The following KPNA6 variants were observed in gnomAD, a reference collection of about 807,000 sequenced individuals.
KPNA6 encodes importin subunit alpha-7.
A neutral mutation model predicts 72.0 loss-of-function variants in KPNA6; 9 were observed. That is an observed-to-expected ratio of 0.13 (90% confidence interval 0.08 to 0.22). The LOEUF (loss-of-function observed/expected upper bound fraction) is 0.22. KPNA6 is among the 10% of genes least tolerant of loss of function. KPNA6 has a pLI of 1.00. For missense variants in KPNA6, 374 were observed against 655.7 expected, an observed-to-expected ratio of 0.57 and a Z score of 4.69; for synonymous variants, 219 against 242.1, an observed-to-expected ratio of 0.90 and a Z score of 0.89.
intron 6 of KPNA6, 49 bp from the exon 7 acceptor site, chr1:32,160,566 A>G: frequency 1.4e-6 from 2 of 1,450,706 alleles, no homozygotes; most frequent in Non-Finnish European, 1.9e-6. Context: ...TAAAGTACTC[A>G]CAGGAGTACC....
chr1:32,131,690 A>G (rs544296806), intron 1 of KPNA6, among the ~76,000 whole-genome samples: 37 of 149,420 alleles, frequency 2.5e-4, no homozygotes, highest in Admixed American at 1.2e-3. Context: ...GTGCGTGTGT[A>G]TATATATATA....
chr1:32,168,985 C>G (rs1263765723), intron 12 of KPNA6, among the ~76,000 whole-genome samples: 1 of 151,998 alleles, frequency 6.6e-6, no homozygotes, highest in Non-Finnish European at 1.5e-5. Context: ...TGGTAGCATC[C>G]ACATGTGAAA....
At chr1:32,156,204 A>C (rs1257885461) in intron 2 of KPNA6, among the ~76,000 whole-genome samples, 1 of 151,748 alleles carries the variant, frequency 6.6e-6, no homozygotes, top group Non-Finnish European at 1.5e-5. Flanking sequence ...CAAGTCCTTG[A>C]ATATCTTTTC....
chr1:32,170,762 G>A lies in KPNA6; in HGVS notation c.1479G>A (p.Lys493=). The change falls in exon 14 of 14, where the codon AAG becomes AAA. Residue 493 remains lysine (K), a synonymous_variant. Transcript: ENST00000373625. ...QSHENQEIYQ[K]AFDLIEHYFG... ...ACGAGAACCAGGAGATCTACCAGAA[G>A]GCCTTCGACCTCATTGAGCACTACT... The A allele has an allele frequency of 6.2e-7, 1 of 1,614,218 alleles. No homozygotes were observed. The highest frequency in any genetic ancestry group is 8.5e-7 in the Non-Finnish European group (1 of 1,180,042).
At chr1:32,118,562 A>G (rs1641366935) in intron 1 of KPNA6, among the ~76,000 whole-genome samples, 1 of 151,972 alleles carries the variant, frequency 6.6e-6, no homozygotes, top group Admixed American at 6.6e-5. Flanking sequence ...TGGGAGGCTC[A>G]GGAAGGAGGA....
chr1:32,155,447 G>C (rs534237495), intron 2 of KPNA6, among the ~76,000 whole-genome samples: 2 of 148,944 alleles, frequency 1.3e-5, no homozygotes, highest in Admixed American at 1.3e-4. Context: ...TTAGCCTCCC[G>C]AGTAGCTAGG....
intron 1 of KPNA6, among the ~76,000 whole-genome samples, chr1:32,152,864 TA>T (rs942343359): frequency 7.8e-6 from 1 of 128,232 alleles, no homozygotes; most frequent in African/African-American, 3.0e-5. Context: ...AAAATAAAAA[TA>T]AAAAAAATTA....
rs748277883 is a variant in KPNA6, at chr1:32,174,539, C to T, written c.*3645C>T. The T allele has an allele frequency of 7.9e-5, 12 of 152,240 alleles. No homozygotes were observed. The highest frequency in any genetic ancestry group is 1.6e-4 in the Non-Finnish European group (11 of 68,078). The allele number at this position is 152,240 out of a possible 1,614,324, so 9.4% of individuals were successfully genotyped here. ...CACTACTAACCTCACCTCTCATACA[C>T]CTCTTTGAAGGCCCCAGCTCTTTTG... On this transcript the variant is annotated 3_prime_UTR_variant, in exon 14 of 14. Transcript: ENST00000373625.
At position 32,171,933 on chromosome 1, in the gene KPNA6, G is replaced by A. The variant is rs1021571821; in HGVS notation, c.*1039G>A. ...AGTTGCAGAGGAGGGTGGAGTGAGAGTGTCATGTATTGGGATAGTCAGGGA... is the reference window on the plus strand; with the variant it reads ...AGTTGCAGAGGAGGGTGGAGTGAGAATGTCATGTATTGGGATAGTCAGGGA... On this transcript the variant is annotated 3_prime_UTR_variant, in exon 14 of 14. Transcript: ENST00000373625. 2.6e-5 allele frequency: 4 copies of A among 152,146 alleles called. No homozygotes were observed. The highest frequency in any genetic ancestry group is 9.7e-5 in the African/African-American group (4 of 41,414). The allele number at this position is 152,146 out of a possible 1,614,324, so 9.4% of individuals were successfully genotyped here.
chr1:32,162,519 G>C lies in KPNA6; in HGVS notation c.906G>C (p.Leu302=), dbSNP rs1642257447. 1 of 1,613,830 alleles carries C rather than the reference G, an allele frequency of 6.2e-7. No homozygotes were observed. Among genetic ancestry groups the C allele is most frequent in the Non-Finnish European group, 8.5e-7 (1 of 1,180,024 alleles). Residue 302 remains leucine (L), a synonymous_variant, in exon 9 of 14, where the codon CTG becomes CTC. Coordinates refer to ENST00000373625, the MANE Select transcript of KPNA6 (RefSeq NM_012316.5). ...DSGVCRRLVE[L]LMHNDYKVAS... is the part of the protein sequence containing the mutation. Reference sequence around the variant, plus strand: ...GAGTCTGCCGGAGATTGGTAGAGCTGCTGATGTGAGTGGTCTTAGAAGGGG... The same window carrying C: ...GAGTCTGCCGGAGATTGGTAGAGCTCCTGATGTGAGTGGTCTTAGAAGGGG...
chr1:32,124,188 C>T (rs185226753), intron 1 of KPNA6, among the ~76,000 whole-genome samples: 62 of 151,930 alleles, frequency 4.1e-4, no homozygotes, highest in Admixed American at 1.2e-3. Context: ...GCCTGAGCAA[C>T]ATGATCAAAC....
At chr1:32,157,879 T>C (rs939766276) in intron 4 of KPNA6, among the ~76,000 whole-genome samples, 1 of 152,142 alleles carries the variant, frequency 6.6e-6, no homozygotes, top group Non-Finnish European at 1.5e-5. Flanking sequence ...ATAAAAAAAT[T>C]TAATGTATGA....
At chr1:32,159,357 A>C in intron 5 of KPNA6, 43 bp from the exon 6 acceptor site, 1 of 1,606,298 alleles carries the variant, frequency 6.2e-7, no homozygotes, top group Non-Finnish European at 8.5e-7. Flanking sequence ...ATGGCTGCTC[A>C]GTCTGAAATG....
chr1:32,114,506 C>T (rs1041517530), intron 1 of KPNA6, among the ~76,000 whole-genome samples: 4 of 151,212 alleles, frequency 2.6e-5, no homozygotes, highest in African/African-American at 9.7e-5. Context: ...GATGTGCTGT[C>T]ATCCAGGCTT....
intron 12 of KPNA6, among the ~76,000 whole-genome samples, chr1:32,168,164 T>C (rs1177576232): frequency 1.3e-5 from 2 of 152,296 alleles, no homozygotes; most frequent in African/African-American, 4.8e-5. Context: ...CAAGGTCCTG[T>C]CTCAAACAAA....
intron 1 of KPNA6, among the ~76,000 whole-genome samples, chr1:32,122,424 T>G (rs897097734): frequency 6.7e-6 from 1 of 150,038 alleles, no homozygotes; most frequent in African/African-American, 2.5e-5. Context: ...TTTAGCATCA[T>G]GTACTTGGTA....
chr1:32,140,797 A>C (rs1176715380), intron 1 of KPNA6, among the ~76,000 whole-genome samples: 1 of 152,156 alleles, frequency 6.6e-6, no homozygotes, highest in Non-Finnish European at 1.5e-5. Context: ...CAATACCCAA[A>C]TTTTGTCATC....
intron 1 of KPNA6, among the ~76,000 whole-genome samples, chr1:32,124,890 G>C (rs1028040322): frequency 1.3e-5 from 2 of 151,914 alleles, no homozygotes; most frequent in Admixed American, 6.6e-5. Context: ...TGTCGCCCAG[G>C]CTGCAGTATA....
At chr1:32,110,833 G>T (rs914609311) in intron 1 of KPNA6, among the ~76,000 whole-genome samples, 2 of 152,148 alleles carry the variant, frequency 1.3e-5, no homozygotes, top group Non-Finnish European at 2.9e-5. Context: ...GGAGGCGGAG[G>T]TTGCAGTGAG....
Sources: gnomAD v4.1 joint callset for allele counts (sites outside exome capture counted in the v4.1 genomes callset) on GRCh38, gnomAD v4.1.1 for gene constraint, MANE v1.5 for transcripts, NCBI Gene and HGNC (gene_info 2026-07-23, HGNC 2026-07-21) for gene names.